Variants in PAK3 observed in about 807,000 individuals in gnomAD.
The protein encoded by PAK3 is p21 (RAC1) activated kinase 3.
PAK3 carries 4 observed loss-of-function variants against 41.0 expected under a neutral mutation model. That is an observed-to-expected ratio of 0.10 (90% CI 0.05 to 0.22). The LOEUF (loss-of-function observed/expected upper bound fraction) is 0.22, where lower values mean the gene tolerates loss of function less well. Ranked by LOEUF, PAK3 falls within the 10% of genes least tolerant of loss-of-function variation. The pLI is 1.00. For missense variants in PAK3, 205 were observed against 409.9 expected (o/e 0.50, Z 4.32); for synonymous variants, 146 against 139.6 (o/e 1.05, Z -0.32).
At chrX:111,189,259 C>A (rs895601411) in intron 11 of PAK3, among the ~76,000 whole-genome samples, 2 of 111,878 alleles carry the variant, frequency 1.8e-5, no homozygotes, top group Non-Finnish European at 3.8e-5. Flanking sequence ...TGATCTCATT[C>A]TTTTTATGGT....
chrX:111,211,062 G>A (rs1045002113), intron 16 of PAK3, among the ~76,000 whole-genome samples: 2 of 111,763 alleles, frequency 1.8e-5, no homozygotes, highest in African/African-American at 6.5e-5. Context: ...GGCAAATGAG[G>A]ATAGCATTTT....
chrX:111,095,138 G>A (rs2092963376), upstream of PAK3, among the ~76,000 whole-genome samples: 1 of 111,599 alleles, frequency 9.0e-6, no homozygotes, highest in Non-Finnish European at 1.9e-5. Flanking sequence ...AAGTTCACTG[G>A]GAAGGGTCAT....
chrX:110,951,958 C>A (rs778637775), intron 1 of PAK3, among the ~76,000 whole-genome samples: 8 of 112,382 alleles, frequency 7.1e-5, no homozygotes, highest in Non-Finnish European at 1.1e-4. Context: ...GGTTCCATAA[C>A]TTTCTGAAGG....
chrX:111,067,779 T>C (rs1427956996), intron 1 of PAK3, among the ~76,000 whole-genome samples: 1 of 111,067 alleles, frequency 9.0e-6, no homozygotes, highest in Non-Finnish European at 1.9e-5. Context: ...CTATTTTTTC[T>C]AGAATTTTTA....
At chrX:111,095,347 C>CT (rs764112989), upstream of PAK3, among the ~76,000 whole-genome samples, 11 of 112,011 alleles carry the variant, frequency 9.8e-5, no homozygotes, top group East Asian at 2.5e-3. Flanking sequence ...TATTATTTGA[C>CT]TTTTTATGGC....
chrX:110,992,951 C>T (rs2091676445), intron 1 of PAK3, among the ~76,000 whole-genome samples: 1 of 111,650 alleles, frequency 9.0e-6, no homozygotes, highest in South Asian at 3.8e-4. Context: ...TCTCTTCTAC[C>T]TTCAAGAGTA....
At chrX:111,178,974 T>TAG (rs201910654) in intron 11 of PAK3, among the ~76,000 whole-genome samples, 95 of 92,236 alleles carry the variant, frequency 1.0e-3, no homozygotes, top group African/African-American at 4.3e-3. Context: ...TATATATATA[T>TAG]ATATATAGAG....
At chrX:110,949,513 A>C (rs1407983280) in intron 1 of PAK3, among the ~76,000 whole-genome samples, 2 of 111,796 alleles carry the variant, frequency 1.8e-5, no homozygotes, top group Non-Finnish European at 3.8e-5. Context: ...GGACATGTGC[A>C]TGTAATTTCA....
At chrX:110,975,527 A>G (rs2148643243) in intron 1 of PAK3, among the ~76,000 whole-genome samples, 1 of 112,170 alleles carries the variant, frequency 8.9e-6, no homozygotes, top group South Asian at 3.8e-4. Context: ...GAAAGTGGCC[A>G]TACTGCCCAA....
chrX:111,187,343 G>T (rs1409176017), intron 11 of PAK3, among the ~76,000 whole-genome samples: 1 of 111,951 alleles, frequency 8.9e-6, no homozygotes, highest in African/African-American at 3.2e-5. Flanking sequence ...AGAATGTAAT[G>T]AATATGTTAG....
intron 8 of PAK3, among the ~76,000 whole-genome samples, chrX:111,153,420 G>A (rs1021673371): frequency 2.7e-5 from 3 of 112,211 alleles, no homozygotes; most frequent in African/African-American, 9.7e-5. Flanking sequence ...TATAGTATCT[G>A]AAAGAATATT....
At chrX:111,172,106 G>A (rs1488277006) in intron 10 of PAK3, among the ~76,000 whole-genome samples, 1 of 111,564 alleles carries the variant, frequency 9.0e-6, no homozygotes, top group Non-Finnish European at 1.9e-5. Context: ...TCAATTCAGA[G>A]AAGACAGTGA....
At chrX:111,161,296 C>CA (rs1177688334) in intron 8 of PAK3, among the ~76,000 whole-genome samples, 3 of 111,512 alleles carry the variant, frequency 2.7e-5, no homozygotes, top group Non-Finnish European at 5.6e-5. Flanking sequence ...ATCCTTTGCC[C>CA]ACTTTTTGAT....
chrX:110,982,433 G>A lies in PAK3; in HGVS notation c.-28+37805G>A, dbSNP rs773371588. Among the ~76,000 whole-genome samples, 12 of 112,015 alleles carry A rather than the reference G, an allele frequency of 1.1e-4. No individual in the cohort carries two copies. The South Asian group carries it at 4.5e-3, about 42-fold the overall frequency. ...TGACACTGATCATACCTGCCTTGTG[G>A]TGAGGACTAAATGAGATAACCTATA... is the stretch of plus-strand genomic sequence containing the variant. On this transcript the variant is annotated intron_variant, in intron 1 of 14. Transcript: ENST00000425146.
intron 17 of PAK3, 47 bp from the exon 18 acceptor site, chrX:111,220,311 T>C (rs896265212): frequency 3.7e-6 from 3 of 808,458 alleles, no homozygotes; most frequent in Admixed American, 4.5e-5. Context: ...AATATACTTG[T>C]TGGAGGAAAG....
chrX:111,074,035 G>T (rs1250184656), intron 1 of PAK3, among the ~76,000 whole-genome samples: 6 of 111,847 alleles, frequency 5.4e-5, no homozygotes, highest in Non-Finnish European at 1.1e-4. Flanking sequence ...TATCTCTGGG[G>T]TGCTAGAATA....
chrX:110,972,196 A>G (rs2091222710), intron 1 of PAK3, among the ~76,000 whole-genome samples: 1 of 110,995 alleles, frequency 9.0e-6, no homozygotes. Flanking sequence ...GGGTAGTACT[A>G]CCTCGAATAG....
intron 1 of PAK3, among the ~76,000 whole-genome samples, chrX:110,956,249 G>C (rs1421528467): frequency 8.9e-6 from 1 of 111,811 alleles, no homozygotes; most frequent in Non-Finnish European, 1.9e-5. Context: ...GATAATAATA[G>C]TAGCTACGTT....
chrX:111,114,160 T>C (rs1053251561), intron 4 of PAK3, among the ~76,000 whole-genome samples: 36 of 112,050 alleles, frequency 3.2e-4, no homozygotes, highest in Non-Finnish European at 6.4e-4. Flanking sequence ...GATGGCTGGG[T>C]CAAATGGTAT....
Sources: gnomAD v4.1 joint callset for allele counts (sites outside exome capture counted in the v4.1 genomes callset) on GRCh38, gnomAD v4.1.1 for gene constraint, MANE v1.5 for transcripts, NCBI Gene and HGNC (gene_info 2026-07-23, HGNC 2026-07-21) for gene names.